Variants in MTCH2 observed in about 807,000 individuals in gnomAD.
The protein encoded by MTCH2 is mitochondrial carrier 2.
In MTCH2, 25 loss-of-function variants were observed where a neutral mutation model predicts 50.6. The observed-to-expected ratio is 0.49, with a 90% CI of 0.36 to 0.69. The LOEUF (loss-of-function observed/expected upper bound fraction) is 0.69. MTCH2 is among the 30% of genes least tolerant of loss of function. MTCH2 has a pLI of 0.00. For synonymous variants in MTCH2, 106 were observed against 132.0 expected, an observed-to-expected ratio of 0.80 and a Z score of 1.35; for missense variants, 273 against 384.4, an observed-to-expected ratio of 0.71 and a Z score of 2.42.
chr11:47,634,713 G>T lies in MTCH2; in HGVS notation c.328C>A (p.Gln110Lys). Residue 110 changes from glutamine (Q) to lysine (K), a missense_variant, in exon 5 of 13, where the codon CAG becomes AAG. Physicochemically the swap from Gln to Lys is moderately conservative, Grantham distance 53 (BLOSUM62 1). Coordinates refer to ENST00000302503, the MANE Select transcript of MTCH2 (RefSeq NM_014342.4). ...TCAAAGGAAGATGAGACTTCTTTCT[G>T]TACATTTCCAGGTCCTAACTCCTGG... ...KGEELGPGNVQKEVSSSFDHV... is the reference protein window; with the variant it reads ...KGEELGPGNVKKEVSSSFDHV... The T allele has an allele frequency of 6.2e-7, 1 of 1,603,092 alleles. No individual in the cohort carries two copies. The highest frequency in any genetic ancestry group is 8.5e-7 in the Non-Finnish European group (1 of 1,173,798).
At chr11:47,619,003 G>C in intron 12 of MTCH2, 84 bp from the exon 13 acceptor site, 1 of 1,210,994 alleles carries the variant, frequency 8.3e-7, no homozygotes, top group South Asian at 1.2e-5. Flanking sequence ...GGTCCAATTG[G>C]GAGACGTGAC....
At chr11:47,630,496 A>T (rs771171263) in intron 8 of MTCH2, 59 bp downstream of exon 8, 1 of 1,380,850 alleles carries the variant, frequency 7.2e-7, no homozygotes, top group African/African-American at 1.4e-5. Flanking sequence ...CACTATTCTT[A>T]CTTTCAGAAA....
intron 8 of MTCH2, chr11:47,629,465 G>T: frequency 4.5e-6 from 1 of 220,344 alleles, no homozygotes; most frequent in Non-Finnish European, 9.3e-6. Flanking sequence ...AAGCAAGAAT[G>T]GTCCCAAGTA....
Position 47,617,544 on chromosome 11 carries a change from T to G in MTCH2, c.*1289A>C, listed in dbSNP as rs557661661. On this transcript the variant is annotated 3_prime_UTR_variant, in exon 13 of 13. Coordinates refer to ENST00000302503, the MANE Select transcript of MTCH2 (RefSeq NM_014342.4). Reference sequence around the variant, plus strand: ...ACCCCTGCATTCTCGTTCTGTCTAATATTATCAGTGGGGCTGTTTTGACAG... The same window carrying G: ...ACCCCTGCATTCTCGTTCTGTCTAAGATTATCAGTGGGGCTGTTTTGACAG... The G allele has an allele frequency of 3.9e-5, 6 of 152,748 alleles. No homozygotes were observed. In the East Asian group the frequency reaches 1.2e-3, roughly 29 times the overall value. 9.5% of individuals were successfully genotyped at this position (152,748 alleles called of 1,614,324 possible).
chr11:47,606,836 A>G, the MTCH2 span, among the ~76,000 whole-genome samples: 5 of 152,164 alleles, frequency 3.3e-5, no homozygotes, highest in African/African-American at 1.2e-4. Context: ...GCTGAGAGGA[A>G]ACTGTCATTG....
intron 10 of MTCH2, among the ~76,000 whole-genome samples, chr11:47,626,676 G>A (rs1360517914): frequency 6.6e-6 from 1 of 151,368 alleles, no homozygotes; most frequent in East Asian, 2.0e-4. Flanking sequence ...GCAGTGGCGT[G>A]ATCTCAGCTC....
downstream of MTCH2, among the ~76,000 whole-genome samples, chr11:47,616,844 C>T (rs934304599): frequency 1.1e-4 from 16 of 152,018 alleles, no homozygotes; most frequent in Non-Finnish European, 1.6e-4. Context: ...CCACCATGCC[C>T]GGCTAATTTT....
chr11:47,612,980 C>T (rs1227304155), downstream of MTCH2, among the ~76,000 whole-genome samples: 3 of 152,058 alleles, frequency 2.0e-5, no homozygotes, highest in South Asian at 2.1e-4. Context: ...GATAGCTCAC[C>T]GCAGCCTCAA....
intron 12 of MTCH2, among the ~76,000 whole-genome samples, chr11:47,619,388 C>G (rs575051048): frequency 1.3e-5 from 2 of 152,196 alleles, no homozygotes; most frequent in South Asian, 4.1e-4. Context: ...AACGCGCCAC[C>G]GTGCCTGGCT....
chr11:47,610,008 T>C, the MTCH2 span, among the ~76,000 whole-genome samples: 5 of 152,186 alleles, frequency 3.3e-5, no homozygotes, highest in African/African-American at 1.2e-4. Flanking sequence ...AGGGGCATAA[T>C]GCTGTGTTTA....
chr11:47,613,041 A>G (rs576056848), downstream of MTCH2, among the ~76,000 whole-genome samples: 5 of 151,590 alleles, frequency 3.3e-5, no homozygotes, highest in African/African-American at 1.2e-4. Flanking sequence ...AGCTGGGACT[A>G]CAGATGTGTT....
At chr11:47,627,302 A>C (rs1252147233) in intron 9 of MTCH2, among the ~76,000 whole-genome samples, 175 bp from the exon 10 acceptor site, 1 of 151,798 alleles carries the variant, frequency 6.6e-6, no homozygotes, top group African/African-American at 2.4e-5. Flanking sequence ...AGCTAATTTC[A>C]AAATATTTTT....
rs746459786 is a variant in MTCH2 at position 47,639,052 on chromosome 11, CT to C, written c.88-2del. The C allele has an allele frequency of 1.2e-5, 20 of 1,606,702 alleles. No individual in the cohort carries two copies. Among genetic ancestry groups the C allele is most frequent in the Non-Finnish European group, 1.4e-5 (17 of 1,175,782 alleles). ...TTGGAGGAAGAGGCTCATATCCCAC[CT>C]TTAAAAACAATGGAATATATCAATA... On this transcript the variant is annotated splice_acceptor_variant, in intron 1 of 12. Transcript: ENST00000302503. LOFTEE classifies it high-confidence loss of function.
chr11:47,615,508 C>G (rs1445864813), downstream of MTCH2, among the ~76,000 whole-genome samples: 1 of 152,066 alleles, frequency 6.6e-6, no homozygotes, highest in Non-Finnish European at 1.5e-5. Context: ...AGTACAGAAA[C>G]ATGTCACTGG....
In MTCH2 at chr11:47,642,534, C is replaced by A; in HGVS notation, c.-69G>T. On this transcript the variant is annotated 5_prime_UTR_variant, in exon 1 of 13. Coordinates refer to ENST00000302503, the MANE Select transcript of MTCH2 (RefSeq NM_014342.4). ...GCGACCCGGTGAGCCGGTCCTAGGTCACGTGCCAGGGCCGCCGGTTTCACT... is the reference window on the plus strand; with the variant it reads ...GCGACCCGGTGAGCCGGTCCTAGGTAACGTGCCAGGGCCGCCGGTTTCACT... The A allele has an allele frequency of 7.0e-7, 1 of 1,437,700 alleles. No individual in the cohort carries two copies. The highest frequency in any genetic ancestry group is 1.3e-5 in the South Asian group (1 of 76,798). The allele number at this position is 1,437,700 out of a possible 1,614,324, so 89.1% of individuals were successfully genotyped here.
intron 3 of MTCH2, among the ~76,000 whole-genome samples, chr11:47,638,347 G>A (rs2097310564): frequency 4.5e-5 from 1 of 22,110 alleles, no homozygotes; most frequent in African/African-American, 1.5e-4. Context: ...GGATCACGAG[G>A]TCAGGATATT....
chr11:47,613,769 C>T (rs1372844406), downstream of MTCH2, among the ~76,000 whole-genome samples: 1 of 152,084 alleles, frequency 6.6e-6, no homozygotes, highest in Admixed American at 6.6e-5. Context: ...TGCAGGCCCA[C>T]TTTCCTCAGA....
At chr11:47,622,457 G>A (rs2097294169) in intron 12 of MTCH2, among the ~76,000 whole-genome samples, 1 of 152,152 alleles carries the variant, frequency 6.6e-6, no homozygotes, top group African/African-American at 2.4e-5. Context: ...ATGGCTTCTA[G>A]GTCTCATCTA....
At chr11:47,616,767 C>G (rs1290306438), downstream of MTCH2, among the ~76,000 whole-genome samples, 1 of 151,266 alleles carries the variant, frequency 6.6e-6, no homozygotes, top group African/African-American at 2.4e-5. Flanking sequence ...ATTGCAACCT[C>G]CACCTCCTGG....
Sources: gnomAD v4.1 joint callset for allele counts (sites outside exome capture counted in the v4.1 genomes callset) on GRCh38, gnomAD v4.1.1 for gene constraint, MANE v1.5 for transcripts, NCBI Gene and HGNC (gene_info 2026-07-23, HGNC 2026-07-21) for gene names.